ASIC2: variants seen among roughly 807,000 people sequenced by gnomAD.
ASIC2 encodes acid-sensing ion channel 2.
In ASIC2, 25 loss-of-function variants were observed where a neutral mutation model predicts 57.3. The ratio of observed to expected loss-of-function variants is 0.44; its 90% CI spans 0.32 to 0.61. The LOEUF is 0.61. Among genes scored for constraint, ASIC2 ranks in the 20% least tolerant of loss-of-function variants. The probability of loss-of-function intolerance (pLI) is 0.06; values close to 1 mark genes in which losing one functional copy is unlikely to be tolerated. For missense variants in ASIC2, 641 were observed against 738.1 expected, an observed-to-expected ratio of 0.87 and a Z score of 1.52; for synonymous variants, 319 against 307.5, an observed-to-expected ratio of 1.04 and a Z score of -0.39.
intron 1 of ASIC2, among the ~76,000 whole-genome samples, chr17:33,811,332 A>G (rs935776018): frequency 4.6e-5 from 7 of 152,238 alleles, no homozygotes; most frequent in Non-Finnish European, 1.0e-4. Context: ...GGAGAAGATC[A>G]GACAAAAATT....
chr17:33,426,635 T>G (rs1911229628), intron 1 of ASIC2, among the ~76,000 whole-genome samples: 1 of 152,220 alleles, frequency 6.6e-6, no homozygotes, highest in Non-Finnish European at 1.5e-5. Context: ...CAGGCAGCCT[T>G]GAGCACATCT....
chr17:33,426,123 TTTGTTTTTGTTGTTG>T (rs1911212193), intron 1 of ASIC2, among the ~76,000 whole-genome samples: 1 of 152,266 alleles, frequency 6.6e-6, no homozygotes, highest in African/African-American at 2.4e-5. Context: ...TGTTGAACTA[TTTGTTTTTGTTGTTG>T]TTGTTTTTGT....
At chr17:33,307,009 A>G (rs1183189150) in intron 1 of ASIC2, among the ~76,000 whole-genome samples, 1 of 151,288 alleles carries the variant, frequency 6.6e-6, no homozygotes, top group African/African-American at 2.4e-5. Flanking sequence ...TCTTGAAAAA[A>G]CTCCAGGAAG....
chr17:33,081,951 C>G (rs1475814185), intron 3 of ASIC2, among the ~76,000 whole-genome samples: 1 of 152,190 alleles, frequency 6.6e-6, no homozygotes, highest in East Asian at 1.9e-4. Flanking sequence ...GTAGTCTAAA[C>G]AGGCTAGAGA....
intron 1 of ASIC2, among the ~76,000 whole-genome samples, chr17:33,727,164 TCTAA>T (rs1909587062): frequency 6.6e-6 from 1 of 152,100 alleles, no homozygotes; most frequent in Non-Finnish European, 1.5e-5. Context: ...CTTGATCTAG[TCTAA>T]CTCTTATTTT....
chr17:33,620,996 C>T (rs1905775198), intron 1 of ASIC2, among the ~76,000 whole-genome samples: 1 of 152,046 alleles, frequency 6.6e-6, no homozygotes, highest in Non-Finnish European at 1.5e-5. Flanking sequence ...GGGTCTTATC[C>T]TTGCTGTTTC....
At chr17:33,017,881 G>T (rs1332543957) in intron 7 of ASIC2, among the ~76,000 whole-genome samples, 197 bp from the exon 8 acceptor site, 1 of 152,196 alleles carries the variant, frequency 6.6e-6, no homozygotes, top group Non-Finnish European at 1.5e-5. Flanking sequence ...TCAGCATTCA[G>T]TGGGGTCGGG....
chr17:33,422,816 T>A (rs186943976), intron 1 of ASIC2, among the ~76,000 whole-genome samples: 1 of 152,308 alleles, frequency 6.6e-6, no homozygotes, highest in Non-Finnish European at 1.5e-5. Context: ...AGTCTGCTGC[T>A]AAGGGCTGCT....
At chr17:34,000,608 T>C (rs755832683) in intron 1 of ASIC2, among the ~76,000 whole-genome samples, 2 of 152,288 alleles carry the variant, frequency 1.3e-5, no homozygotes, top group African/African-American at 2.4e-5. Flanking sequence ...TAGGTATGAG[T>C]GTTCATTACT....
At chr17:33,589,678 G>T (rs1447981086) in intron 1 of ASIC2, among the ~76,000 whole-genome samples, 1 of 152,192 alleles carries the variant, frequency 6.6e-6, no homozygotes, top group African/African-American at 2.4e-5. Flanking sequence ...ATTCATCCAA[G>T]TTGTATTACG....
Position 33,267,994 on chromosome 17 carries a change from C to T in ASIC2, c.708+23414G>A, listed in dbSNP as rs7224157. 4.0e-3 allele frequency among the ~76,000 whole-genome samples: 613 copies of T among 152,236 alleles called. 5 individuals carry two copies. Among genetic ancestry groups the T allele is most frequent in the African/African-American group, 0.011 (465 of 41,530 alleles). On this transcript the variant is annotated intron_variant, in intron 1 of 9. Transcript: ENST00000225823. ...AATTATCGGTTCCTCACCGTGCATG[C>T]GTAAAGGGCTTATGAATCAAGGGAC...
At chr17:33,210,217 A>C (rs1907219386) in intron 1 of ASIC2, among the ~76,000 whole-genome samples, 1 of 152,166 alleles carries the variant, frequency 6.6e-6, no homozygotes, top group Admixed American at 6.5e-5. Flanking sequence ...AAACAACTGT[A>C]CTCAAATCCA....
At chr17:33,043,868 T>A (rs916663436) in intron 3 of ASIC2, among the ~76,000 whole-genome samples, 2 of 152,200 alleles carry the variant, frequency 1.3e-5, no homozygotes, top group Admixed American at 6.5e-5. Context: ...CTGATTGTTG[T>A]GCTGGTTGGA....
chr17:34,074,782 C>CTTTTTTTTTTTTTTTTTTTT (rs35010578), intron 1 of ASIC2, among the ~76,000 whole-genome samples: 1 of 113,942 alleles, frequency 8.8e-6, no homozygotes, highest in Non-Finnish European at 1.8e-5. Flanking sequence ...TTCTTTCTTT[C>CTTTTTTTTTTTTTTTTTTTT]TTTTTTTTTT....
intron 1 of ASIC2, among the ~76,000 whole-genome samples, chr17:33,272,550 T>C (rs1490426600): frequency 6.6e-6 from 1 of 152,188 alleles, no homozygotes; most frequent in Non-Finnish European, 1.5e-5. Flanking sequence ...TCTTATCACA[T>C]AAACCCATGA....
At chr17:34,140,257 G>A (rs1232572815) in intron 1 of ASIC2, among the ~76,000 whole-genome samples, 3 of 152,164 alleles carry the variant, frequency 2.0e-5, no homozygotes, top group Admixed American at 1.3e-4. Context: ...AGGGTAACAC[G>A]ACACAGGTTT....
intron 1 of ASIC2, among the ~76,000 whole-genome samples, chr17:33,876,526 C>G (rs553199446): frequency 6.6e-6 from 1 of 152,358 alleles, no homozygotes; most frequent in South Asian, 2.1e-4. Flanking sequence ...GGGACCACCA[C>G]TTGATTGTAC....
intron 1 of ASIC2, among the ~76,000 whole-genome samples, chr17:33,336,632 G>A (rs892501621): frequency 6.6e-6 from 1 of 152,174 alleles, no homozygotes; most frequent in Non-Finnish European, 1.5e-5. Flanking sequence ...GGTGAAAATA[G>A]TGAAGTTCAG....
intron 1 of ASIC2, among the ~76,000 whole-genome samples, chr17:33,847,586 T>C (rs317391): frequency 0.11 from 16,724 of 152,218 alleles, 1,594 homozygotes; most frequent in East Asian, 0.5. Context: ...AGGATACTAC[T>C]GTGCTCTCAG....
Sources: allele counts gnomAD v4.1 joint callset (sites outside exome capture counted in the v4.1 genomes callset), GRCh38; gene constraint gnomAD v4.1.1; transcripts MANE v1.5; gene names NCBI Gene and HGNC (gene_info 2026-07-23, HGNC 2026-07-21).